Variants in SYNE1 observed in about 807,000 individuals in gnomAD.
SYNE1 encodes the protein spectrin repeat containing nuclear envelope protein 1.
A neutral mutation model predicts 1,111.0 loss-of-function variants in SYNE1; 616 were observed. That is an observed-to-expected ratio of 0.55 (90% CI 0.52 to 0.59). The LOEUF is 0.59. SYNE1 is among the 20% of genes least tolerant of loss of function. The pLI, the probability that SYNE1 is intolerant of heterozygous loss-of-function variation, is 0.00. For missense variants in SYNE1, 10,006 were observed against 10,417.0 expected, an observed-to-expected ratio of 0.96 and a Z score of 1.72; for synonymous variants, 3,855 against 3,825.8, an observed-to-expected ratio of 1.01 and a Z score of -0.28.
At position 152,122,754 on chromosome 6, in the gene SYNE1, TGGAA is replaced by T. The variant is rs1440206533; in HGVS notation, c.26154-82_26154-79del. The stretch of plus-strand genomic sequence containing the variant: ...GCTGCTTTTTGCCTCTGCACCTTCC[TGGAA>T]GCTAAAGGGCCATGCCAAGCACACC... On this transcript the variant is annotated intron_variant, in intron 145 of 145. Coordinates refer to ENST00000367255, the MANE Select transcript of SYNE1 (RefSeq NM_182961.4). 4 of 1,602,372 alleles carry T rather than the reference TGGAA, an allele frequency of 2.5e-6. No homozygotes were observed. In the African/African-American group the frequency reaches 5.3e-5, roughly 21 times the overall value.
Position 152,300,626 on chromosome 6 carries a change from C to A in SYNE1, c.17682+15G>T, listed in dbSNP as rs1472078642. On this transcript the variant is annotated intron_variant, in intron 93 of 145. Coordinates refer to ENST00000367255, the MANE Select transcript of SYNE1 (RefSeq NM_182961.4). ...CCCAGAGATTATTGCTAGAGGAATGCCAACTGGGAGGTACCTGGTTAACAG... is the reference window on the plus strand; with the variant it reads ...CCCAGAGATTATTGCTAGAGGAATGACAACTGGGAGGTACCTGGTTAACAG... 1 of 1,614,102 alleles carries A rather than the reference C, an allele frequency of 6.2e-7. No individual in the cohort carries two copies. The highest frequency in any genetic ancestry group is 1.3e-5 in the African/African-American group (1 of 75,054).
In SYNE1 at chr6:152,330,365, C is replaced by G. The variant is rs2096217091; in HGVS notation, c.14320G>C (p.Glu4774Gln). 2.5e-6 allele frequency: 4 copies of G among 1,614,130 alleles called. No homozygotes were observed. In the South Asian group the frequency reaches 4.4e-5, roughly 18 times the overall value. The change falls in exon 78 of 146, where the codon GAA becomes CAA. Residue 4774 changes from glutamate to glutamine, a missense_variant. Around this residue, in one of 7 missense-constraint regions of SYNE1, gnomAD observed 4,955 missense variants for 5,017.2 expected, o/e 0.99. Transcript: ENST00000367255. The stretch of plus-strand genomic sequence containing the variant: ...TCTTGGTAAGCACTGGTGGTGTCTT[C>G]TAATAAGCTAACCCTCTGTTCTGTT... ...RQTEQRVSLLEDTTSAYQEHE... is the reference protein window; with the variant it reads ...RQTEQRVSLLQDTTSAYQEHE...
chr6:152,324,316 T>C (rs954608301), intron 81 of SYNE1, among the ~76,000 whole-genome samples: 3 of 151,566 alleles, frequency 2.0e-5, no homozygotes, highest in Non-Finnish European at 4.4e-5. Context: ...GGAGAATTGC[T>C]TGAACCCAGG....
At position 152,603,922 on chromosome 6, in the gene SYNE1, T is replaced by C. The variant is rs557870775; in HGVS notation, c.67+24343A>G. On this transcript the variant is annotated intron_variant, in intron 3 of 145. Transcript: ENST00000367255. ...GATAGATATACTATCTATATATACA[T>C]ATATGTATATGTATATAGATATACT... is the stretch of plus-strand genomic sequence containing the variant. Among the ~76,000 whole-genome samples the C allele has an allele frequency of 2.3e-4, 34 of 147,974 alleles. 1 individual carries two copies. Among genetic ancestry groups the C allele is most frequent in the African/African-American group, 8.1e-4 (33 of 40,710 alleles).
chr6:152,416,821 T>C lies in SYNE1; in HGVS notation c.5616A>G (p.Glu1872=). ...RRQLALSHLA[E]FLQSHASLSG... ...ACAGAGAGGCATGGCTCTGGAGGAATTCTGCCAAATGGGACAGGGCAAGCT... is the reference window on the plus strand; with the variant it reads ...ACAGAGAGGCATGGCTCTGGAGGAACTCTGCCAAATGGGACAGGGCAAGCT... Residue 1872 remains glutamate (E), a synonymous_variant, in exon 41 of 146, where the codon GAA becomes GAG. Transcript: ENST00000367255. 6.2e-7 allele frequency: 1 copy of C among 1,614,194 alleles called. No homozygotes were observed. The highest frequency in any genetic ancestry group is 8.5e-7 in the Non-Finnish European group (1 of 1,180,044).
In SYNE1 at chr6:152,488,421, T is replaced by G. The variant is rs914117644; in HGVS notation, c.1022A>C (p.Glu341Ala). 1 of 1,606,288 alleles carries G rather than the reference T, an allele frequency of 6.2e-7. No homozygotes were observed. The highest frequency in any genetic ancestry group is 1.3e-5 in the African/African-American group (1 of 74,752). Reference sequence around the variant, plus strand: ...CTGATATTTATCCTGTAAATTTGATTCCACCATCTGTGCTCTTGTCAAATC... The same window carrying G: ...CTGATATTTATCCTGTAAATTTGATGCCACCATCTGTGCTCTTGTCAAATC... Reference protein sequence around the residue: ...ERDLTRAQMVESNLQDKYQSF... With the variant: ...ERDLTRAQMVASNLQDKYQSF... Residue 341 changes from glutamate (E) to alanine (A), a missense_variant, in exon 12 of 146, where the codon GAA becomes GCA. Coordinates refer to ENST00000367255, the MANE Select transcript of SYNE1 (RefSeq NM_182961.4).
At chr6:152,443,232 A>G (rs2098548592) in intron 30 of SYNE1, among the ~76,000 whole-genome samples, 1 of 152,188 alleles carries the variant, frequency 6.6e-6, no homozygotes, top group African/African-American at 2.4e-5. Context: ...TTTCACAATG[A>G]TTGAGAACAA....
At chr6:152,511,507 G>A (rs1174874557) in intron 6 of SYNE1, 6 of 1,466,658 alleles carry the variant, frequency 4.1e-6, no homozygotes, top group Non-Finnish European at 5.7e-6. Flanking sequence ...CCAAATAGCA[G>A]GTAACTTATG....
At position 152,447,781 on chromosome 6, in the gene SYNE1, C is replaced by A. The variant is rs2098605230; in HGVS notation, c.3505-159G>T. ...CTGCTTAGTTTACTTTTTGTATGTA[C>A]TTTTAACAAAAGTCCACAAGTGCTT... On this transcript the variant is annotated intron_variant, in intron 28 of 145. Transcript: ENST00000367255. Among the ~76,000 whole-genome samples, 7 of 152,296 alleles carry A rather than the reference C, an allele frequency of 4.6e-5. 1 individual carries two copies. The South Asian group carries it at 1.5e-3, about 32-fold the overall frequency.
intron 137 of SYNE1, chr6:152,144,216 A>C (rs988334029): frequency 1.5e-5 from 4 of 266,708 alleles, no homozygotes; most frequent in African/African-American, 2.2e-5. Flanking sequence ...CATGCACCTC[A>C]GGGGAAGATA....
chr6:152,618,066 A>T (rs1459053894), intron 3 of SYNE1, among the ~76,000 whole-genome samples: 2 of 152,182 alleles, frequency 1.3e-5, no homozygotes, highest in Non-Finnish European at 2.9e-5. Flanking sequence ...AGGGAAGAAG[A>T]CAATGGATGT....
At chr6:152,609,961 A>G (rs546013225) in intron 3 of SYNE1, among the ~76,000 whole-genome samples, 4 of 152,378 alleles carry the variant, frequency 2.6e-5, no homozygotes, top group African/African-American at 7.2e-5. Flanking sequence ...ATTAACAAAA[A>G]GGACATCTAC....
At chr6:152,178,271 A>C (rs2066981509) in intron 129 of SYNE1, among the ~76,000 whole-genome samples, 1 of 152,144 alleles carries the variant, frequency 6.6e-6, no homozygotes, top group Non-Finnish European at 1.5e-5. Context: ...ATAGAGACAA[A>C]CTTAATCAAA....
intron 10 of SYNE1, among the ~76,000 whole-genome samples, chr6:152,501,736 CAA>C (rs1232051419): frequency 3.9e-4 from 35 of 89,952 alleles, no homozygotes; most frequent in Admixed American, 4.7e-4. Context: ...CTCCATCTCA[CAA>C]AAAAAAAAAA....
intron 143 of SYNE1, 101 bp from the exon 144 acceptor site, chr6:152,132,315 T>C: frequency 4.1e-6 from 4 of 986,054 alleles, no homozygotes; most frequent in Middle Eastern, 2.1e-4. Context: ...TCCACCCCCA[T>C]GTCTCCACCA....
intron 130 of SYNE1, among the ~76,000 whole-genome samples, chr6:152,170,916 C>T (rs376397321): frequency 1.3e-5 from 2 of 152,128 alleles, no homozygotes; most frequent in East Asian, 3.9e-4. Context: ...TGGTTTCCCC[C>T]AGACTGTTCT....
At chr6:152,135,010 A>G (rs1187610939) in intron 142 of SYNE1, 94 bp downstream of exon 142, 3 of 1,572,298 alleles carry the variant, frequency 1.9e-6, no homozygotes, top group Non-Finnish European at 2.6e-6. Flanking sequence ...GTTAAAAAAA[A>G]AGAAACAACA....
At chr6:152,234,907 T>C in intron 110 of SYNE1, 107 bp from the exon 111 acceptor site, 1 of 1,316,694 alleles carries the variant, frequency 7.6e-7, no homozygotes, top group Non-Finnish European at 1.1e-6. Context: ...GGTCTGAAGA[T>C]TTAGAAGAAA....
intron 64 of SYNE1, among the ~76,000 whole-genome samples, chr6:152,361,845 TAAA>T (rs71749478): frequency 4.2e-4 from 58 of 137,660 alleles, no homozygotes; most frequent in African/African-American, 4.9e-4. Flanking sequence ...AGGGATGTGA[TAAA>T]AAAAAAAAAA....
Sources: gnomAD v4.1 joint callset for allele counts (sites outside exome capture counted in the v4.1 genomes callset) on GRCh38, gnomAD v4.1.1 for gene constraint, gnomAD v4.1.1 regional missense constraint, MANE v1.5 for transcripts, NCBI Gene and HGNC (gene_info 2026-07-23, HGNC 2026-07-21) for gene names.